ACVR2A: variants seen among roughly 807,000 people sequenced by gnomAD.
ACVR2A encodes the protein activin A receptor type 2A, also known as activin receptor type-2A.
In ACVR2A, 7 loss-of-function variants were observed where a neutral mutation model predicts 61.4. The ratio of observed to expected loss-of-function variants is 0.11; its 90% CI spans 0.06 to 0.21. ACVR2A has a LOEUF of 0.21. ACVR2A is among the 10% of genes least tolerant of loss of function. The pLI is 1.00. For missense variants in ACVR2A, 322 were observed against 621.7 expected (o/e 0.52, Z 5.13); for synonymous variants, 193 against 208.3 (o/e 0.93, Z 0.63).
At chr2:147,858,055 T>C (rs1685631605) in intron 1 of ACVR2A, among the ~76,000 whole-genome samples, 1 of 152,164 alleles carries the variant, frequency 6.6e-6, no homozygotes, top group South Asian at 2.1e-4. Context: ...TGAGAACTTG[T>C]GGTATTTGGT....
At chr2:147,848,810 A>G (rs747427886) in intron 1 of ACVR2A, among the ~76,000 whole-genome samples, 1 of 152,028 alleles carries the variant, frequency 6.6e-6, no homozygotes, top group African/African-American at 2.4e-5. Context: ...AACCTAAAAT[A>G]CAAATTAAAA....
At chr2:147,857,627 T>C (rs1685617064) in intron 1 of ACVR2A, among the ~76,000 whole-genome samples, 1 of 151,918 alleles carries the variant, frequency 6.6e-6, no homozygotes, top group African/African-American at 2.4e-5. Flanking sequence ...TGGGTTGATA[T>C]AGTAGAAAGA....
chr2:147,908,175 T>C (rs2105204853), intron 4 of ACVR2A, among the ~76,000 whole-genome samples: 1 of 152,278 alleles, frequency 6.6e-6, no homozygotes. Flanking sequence ...CATCTCACAA[T>C]TTATTCATGT....
chr2:147,877,232 A>T (rs938570295), intron 1 of ACVR2A, among the ~76,000 whole-genome samples: 1 of 152,180 alleles, frequency 6.6e-6, no homozygotes, highest in Non-Finnish European at 1.5e-5. Context: ...TTATGTTTAA[A>T]TGTTTCACTA....
chr2:147,881,602 AGTGTGTGTGTGTGTGT>A (rs145075375), intron 1 of ACVR2A, among the ~76,000 whole-genome samples: 3 of 81,444 alleles, frequency 3.7e-5, no homozygotes, highest in Non-Finnish European at 4.9e-5. Flanking sequence ...GAAGCTGCTT[AGTGTGTGTGTGTGTGT>A]GTGTGTGTGT....
At chr2:147,904,374 A>G (rs994078475) in intron 4 of ACVR2A, among the ~76,000 whole-genome samples, 5 of 151,990 alleles carry the variant, frequency 3.3e-5, no homozygotes, top group African/African-American at 9.7e-5. Context: ...TTTCCTGCTT[A>G]TAAGATCTAT....
rs1272750384 is a variant in ACVR2A at position 147,926,069 on chromosome 2, A to T, written c.1255A>T (p.Ile419Phe). 1 of 1,612,024 alleles carries T rather than the reference A, an allele frequency of 6.2e-7. No homozygotes were observed. The highest frequency in any genetic ancestry group is 2.2e-5 in the East Asian group (1 of 44,844). Reference protein sequence around the residue: ...DEYMLPFEEEIGQHPSLEDMQ... With the variant: ...DEYMLPFEEEFGQHPSLEDMQ... ...ATACATGTTGCCATTTGAGGAGGAA[A>T]TTGGCCAGCATCCATCTCTTGAAGA... The change falls in exon 10 of 11, where the codon ATT becomes TTT. Residue 419 changes from isoleucine (I) to phenylalanine (F), a missense_variant. By Grantham distance (21) the Ile-to-Phe change is conservative. Around this residue, in one of 3 missense-constraint regions of ACVR2A, gnomAD observed 146 missense variants for 383.8 expected, o/e 0.38. Transcript: ENST00000241416.
At position 147,856,080 on chromosome 2, in the gene ACVR2A, C is replaced by G. The variant is rs556726269; in HGVS notation, c.55+10873C>G. Among the ~76,000 whole-genome samples, 6 of 152,276 alleles carry G rather than the reference C, an allele frequency of 3.9e-5. No homozygotes were observed. The East Asian group carries it at 9.6e-4, about 24-fold the overall frequency. On this transcript the variant is annotated intron_variant, in intron 1 of 10. Transcript: ENST00000241416. Reference sequence around the variant, plus strand: ...ACAATAAAGGCTGAAAGGATGAATACTTAATACTTTAGGCTATTAGTTTTA... The same window carrying G: ...ACAATAAAGGCTGAAAGGATGAATAGTTAATACTTTAGGCTATTAGTTTTA...
chr2:147,874,477 T>C (rs2105161747), intron 1 of ACVR2A, among the ~76,000 whole-genome samples: 1 of 152,110 alleles, frequency 6.6e-6, no homozygotes, highest in South Asian at 2.1e-4. Context: ...TAAAGCAGTT[T>C]TCAGAGTTCA....
intron 1 of ACVR2A, among the ~76,000 whole-genome samples, chr2:147,869,446 G>T (rs915793686): frequency 1.3e-5 from 2 of 152,166 alleles, no homozygotes; most frequent in Non-Finnish European, 2.9e-5. Flanking sequence ...ATGTGGTGTT[G>T]TCAAGTTGTG....
intron 1 of ACVR2A, among the ~76,000 whole-genome samples, chr2:147,859,677 T>G (rs1685676656): frequency 6.6e-6 from 1 of 152,024 alleles, no homozygotes; most frequent in South Asian, 2.1e-4. Flanking sequence ...ATCCTGAGTT[T>G]TTTTGTTTGT....
At chr2:147,852,355 C>A (rs1466919100) in intron 1 of ACVR2A, among the ~76,000 whole-genome samples, 1 of 152,020 alleles carries the variant, frequency 6.6e-6, no homozygotes. Context: ...AAACATTGAT[C>A]GTGACCCATT....
chr2:147,907,268 C>G (rs1451392070), intron 4 of ACVR2A, among the ~76,000 whole-genome samples: 3 of 152,104 alleles, frequency 2.0e-5, no homozygotes, highest in African/African-American at 7.2e-5. Flanking sequence ...GGTTCCATGT[C>G]TTTGCTGTTG....
In ACVR2A at chr2:147,915,499, G is replaced by A. The variant is rs984636590; in HGVS notation, c.672+165G>A. On this transcript the variant is annotated intron_variant, in intron 5 of 10. Coordinates refer to ENST00000241416, the MANE Select transcript of ACVR2A (RefSeq NM_001616.5). Reference sequence around the variant, plus strand: ...TGCCTGCCTTTGCATCTGAGAAATGGAATTGTTAATATAACAATCATTATG... The same window carrying A: ...TGCCTGCCTTTGCATCTGAGAAATGAAATTGTTAATATAACAATCATTATG... 5.3e-5 allele frequency among the ~76,000 whole-genome samples: 8 copies of A among 151,934 alleles called. No homozygotes were observed. In the Admixed American group the frequency reaches 5.3e-4, roughly 10 times the overall value.
At chr2:147,901,173 G>A (rs898248427) in intron 4 of ACVR2A, among the ~76,000 whole-genome samples, 1 of 151,896 alleles carries the variant, frequency 6.6e-6, no homozygotes, top group Non-Finnish European at 1.5e-5. Flanking sequence ...TACTCCAAAT[G>A]GCCATAGGAT....
intron 4 of ACVR2A, among the ~76,000 whole-genome samples, chr2:147,911,193 T>C (rs938010846): frequency 5.3e-5 from 8 of 152,106 alleles, no homozygotes; most frequent in African/African-American, 1.9e-4. Context: ...ATTTAGACTC[T>C]AGAGGCTCTT....
At chr2:147,880,335 C>T (rs1194407255) in intron 1 of ACVR2A, among the ~76,000 whole-genome samples, 1 of 152,090 alleles carries the variant, frequency 6.6e-6, no homozygotes, top group Non-Finnish European at 1.5e-5. Context: ...CTGTGCCTGG[C>T]CCCAGTGACA....
chr2:147,915,174 T>C lies in ACVR2A; in HGVS notation c.529-17T>C, dbSNP rs761133498. 3.7e-6 allele frequency: 6 copies of C among 1,608,712 alleles called. No homozygotes were observed. In the South Asian group the frequency reaches 6.6e-5, roughly 18 times the overall value. ...CATGTTCTGCTTATTTATAGTATTA[T>C]TATTATTTATCTGTAGGACCCAGGA... On this transcript the variant is annotated splice_polypyrimidine_tract_variant and intron_variant, in intron 4 of 10. Coordinates refer to ENST00000241416, the MANE Select transcript of ACVR2A (RefSeq NM_001616.5).
chr2:147,848,570 C>G (rs1218310632), intron 1 of ACVR2A, among the ~76,000 whole-genome samples: 1 of 151,912 alleles, frequency 6.6e-6, no homozygotes, highest in African/African-American at 2.4e-5. Context: ...CTAAGAAAAC[C>G]AAATACCACA....
Sources: gnomAD v4.1 joint callset for allele counts (sites outside exome capture counted in the v4.1 genomes callset) on GRCh38, gnomAD v4.1.1 for gene constraint, gnomAD v4.1.1 regional missense constraint, MANE v1.5 for transcripts, NCBI Gene and HGNC (gene_info 2026-07-23, HGNC 2026-07-21) for gene names.